PCED1A: variants seen among roughly 807,000 people sequenced by gnomAD.
The protein encoded by PCED1A is PC-esterase domain-containing protein 1A.
Under a neutral mutation model 41.9 loss-of-function variants are expected in PCED1A, and 20 were observed. That is an observed-to-expected ratio of 0.48 (90% confidence interval 0.34 to 0.69). The LOEUF (loss-of-function observed/expected upper bound fraction) is 0.69, where lower values mean the gene tolerates loss of function less well. Ranked by LOEUF, PCED1A falls within the 30% of genes least tolerant of loss-of-function variation. The pLI is 0.01. For missense variants in PCED1A, 498 were observed against 602.1 expected (o/e 0.83, Z 1.81); for synonymous variants, 236 against 241.3 (o/e 0.98, Z 0.20).
intron 3 of PCED1A, 26 bp downstream of exon 3, chr20:2,839,164 ACT>A: frequency 6.9e-7 from 1 of 1,446,084 alleles, no homozygotes; most frequent in Non-Finnish European, 9.2e-7. Flanking sequence ...CCCACCCACC[ACT>A]GACATGGCCA....
In PCED1A at chr20:2,839,039, T is replaced by C; in HGVS notation, c.248A>G (p.Gln83Arg). ...TGTCCCGTTGTGCAGCTCGCCCAGC[T>C]GGCCCCCAGCCACCAGCTGGTCCTG... is the stretch of plus-strand genomic sequence containing the variant. ...FEQDQLVAGG[Q>R]LGELHNGTQY... is the part of the protein sequence containing the mutation. The change falls in exon 4 of 8, where the codon CAG (glutamine) becomes CGG (arginine). Residue 83 changes from glutamine (Q) to arginine (R), a missense_variant. By Grantham distance (43) the Gln-to-Arg change is conservative. Coordinates refer to ENST00000360652, the MANE Select transcript of PCED1A (RefSeq NM_022760.6). 6.2e-7 allele frequency: 1 copy of C among 1,613,620 alleles called. No homozygotes were observed. Among genetic ancestry groups the C allele is most frequent in the South Asian group, 1.1e-5 (1 of 91,082 alleles).
chr20:2,837,082 C>T (rs866905114), intron 6 of PCED1A, among the ~76,000 whole-genome samples: 2 of 152,224 alleles, frequency 1.3e-5, no homozygotes, highest in Middle Eastern at 3.2e-3. Context: ...ATCAACTCTC[C>T]CTTTTCATGG....
rs2088883840 is a variant in PCED1A at position 2,838,771 on chromosome 20, C to A, written c.444-25G>T. Reference sequence around the variant, plus strand: ...TCTGTTGGATAACACACAGGGTGGGCAAGAGCACAAGGGTGGACTGCCTCA... The same window carrying A: ...TCTGTTGGATAACACACAGGGTGGGAAAGAGCACAAGGGTGGACTGCCTCA... On this transcript the variant is annotated intron_variant, in intron 4 of 7. Transcript: ENST00000360652. The surrounding 1 kb of genome is among the most constrained non-coding windows in gnomAD (Gnocchi z 5.8). The A allele has an allele frequency of 6.2e-7, 1 of 1,614,188 alleles. No individual in the cohort carries two copies. Among genetic ancestry groups the A allele is most frequent in the African/African-American group, 1.3e-5 (1 of 75,054 alleles).
At position 2,839,921 on chromosome 20, in the gene PCED1A, C is replaced by T; in HGVS notation, c.-9G>A. 6.2e-7 allele frequency: 1 copy of T among 1,609,910 alleles called. No homozygotes were observed. ...GACAGACAGAAGACCATGCCGCCAC[C>T]AGCAACGACAGGCTGCAGGGAGAGG... On this transcript the variant is annotated 5_prime_UTR_variant, in exon 2 of 8. Transcript: ENST00000360652.
chr20:2,840,690 G>A (rs1180692910), upstream of PCED1A: 1 of 1,456,146 alleles, frequency 6.9e-7, no homozygotes, highest in Non-Finnish European at 9.4e-7. Context: ...ACGTGACCCG[G>A]ACGGGCGGAA....
intron 6 of PCED1A, among the ~76,000 whole-genome samples, chr20:2,836,518 C>T (rs1411359744): frequency 6.6e-6 from 1 of 152,198 alleles, no homozygotes; most frequent in Non-Finnish European, 1.5e-5. Flanking sequence ...ACCTCTCAGA[C>T]TTACCTTTGT....
At chr20:2,839,367 C>T (rs941995147) in intron 2 of PCED1A, 96 bp from the exon 3 acceptor site, 18 of 1,116,874 alleles carry the variant, frequency 1.6e-5, no homozygotes, top group East Asian at 9.5e-5. Flanking sequence ...CTGAGGTGCC[C>T]GACACCAGCT....
rs765057261 is a variant in PCED1A at position 2,838,308 on chromosome 20, G to A, written c.765C>T (p.Arg255=). The A allele has an allele frequency of 6.2e-7, 1 of 1,614,260 alleles. No homozygotes were observed. Among genetic ancestry groups the A allele is most frequent in the African/African-American group, 1.3e-5 (1 of 75,066 alleles). The part of the protein sequence containing the change: ...DGVHWDQHAH[R]HLSHLLLTHV... ...GGGTCAGAAGCAGGTGTGAGAGGTGGCGGTGTGCATGCTGGTCCCAGTGGA... is the reference window on the plus strand; with the variant it reads ...GGGTCAGAAGCAGGTGTGAGAGGTGACGGTGTGCATGCTGGTCCCAGTGGA... The change falls in exon 6 of 8, where the codon CGC becomes CGT. Residue 255 remains arginine, a synonymous_variant. Transcript: ENST00000360652. The surrounding 1 kb of genome is among the most constrained non-coding windows in gnomAD (Gnocchi z 5.8).
At chr20:2,840,048 C>T in intron 1 of PCED1A, 115 bp from the exon 2 acceptor site, 2 of 1,138,416 alleles carry the variant, frequency 1.8e-6, no homozygotes, top group East Asian at 5.5e-5. Flanking sequence ...GGCAGCAGAG[C>T]CATGGTGGCG....
rs75415902 is a variant in PCED1A at position 2,836,176 on chromosome 20, G to C, written c.980C>G (p.Pro327Arg). 6.2e-7 allele frequency: 1 copy of C among 1,610,864 alleles called. No homozygotes were observed. ...GGGAGGTGGCGAGGGCTGAGGAAGC[G>C]GGTAGGGAAAAGGCATGGGAGGAGG... is the stretch of plus-strand genomic sequence containing the variant. ...SLPPPMPFPY[P>R]LPQPSPPPLF... Residue 327 changes from proline to arginine, a missense_variant, in exon 7 of 8, where the codon CCG (proline) becomes CGG (arginine). Pro to Arg is a moderately radical substitution (Grantham distance 103, BLOSUM62 -2). This residue lies in a region of PCED1A where 245 missense variants were observed against 232.4 expected (regional missense o/e 1.05). Transcript: ENST00000360652.
upstream of PCED1A, chr20:2,841,108 G>C: frequency 2.0e-6 from 1 of 499,756 alleles, no homozygotes; most frequent in South Asian, 2.4e-5. Flanking sequence ...GAGGCAGCTC[G>C]CGGGTGACAG....
At chr20:2,837,768 G>C (rs535679486) in intron 6 of PCED1A, among the ~76,000 whole-genome samples, 9 of 152,276 alleles carry the variant, frequency 5.9e-5, no homozygotes, top group African/African-American at 1.9e-4. Flanking sequence ...TTGAGCCCAA[G>C]TCCATAAGGC....
chr20:2,836,348 G>C (rs762649688), intron 6 of PCED1A, 34 bp from the exon 7 acceptor site: 9 of 1,583,702 alleles, frequency 5.7e-6, no homozygotes, highest in Non-Finnish European at 7.8e-6. Flanking sequence ...GGTAGGCTTG[G>C]GAGCCAGGCT....
intron 6 of PCED1A, among the ~76,000 whole-genome samples, chr20:2,837,331 G>C (rs1248356055): frequency 6.6e-6 from 1 of 152,132 alleles, no homozygotes; most frequent in South Asian, 2.1e-4. Flanking sequence ...ATCCTCTTGT[G>C]CTGCCATAAT....
rs751598073 is a variant in PCED1A, at chr20:2,835,519, G to A, written c.1308C>T (p.Ile436=). The A allele has an allele frequency of 6.2e-7, 1 of 1,614,160 alleles. No homozygotes were observed. Among genetic ancestry groups the A allele is most frequent in the South Asian group, 1.1e-5 (1 of 91,080 alleles). ...RQRLRHSERL[I]HTYKLDRRPP... is the part of the protein sequence containing the mutation. Reference sequence around the variant, plus strand: ...GCCGTCTGTCCAGTTTGTATGTGTGGATCAGTCTCTCTGAGTGTCTGAGCC... The same window carrying A: ...GCCGTCTGTCCAGTTTGTATGTGTGAATCAGTCTCTCTGAGTGTCTGAGCC... The change falls in exon 8 of 8, where the codon ATC becomes ATT. Residue 436 remains isoleucine (I), a synonymous_variant. Transcript: ENST00000360652.
At chr20:2,839,159 C>A in intron 3 of PCED1A, 33 bp downstream of exon 3, 1 of 1,612,124 alleles carries the variant, frequency 6.2e-7, no homozygotes, top group South Asian at 1.1e-5. Context: ...CTGTGCCCAC[C>A]CACCACTGAC....
chr20:2,839,691 G>A (rs2088912934), intron 2 of PCED1A, 98 bp downstream of exon 2: 1 of 1,527,312 alleles, frequency 6.5e-7, no homozygotes, highest in African/African-American at 1.4e-5. Context: ...CAGACCAGAA[G>A]ACAGACAAGA....
At chr20:2,840,067 G>T (rs919779907) in intron 1 of PCED1A, 134 bp from the exon 2 acceptor site, 2 of 920,376 alleles carry the variant, frequency 2.2e-6, no homozygotes, top group Admixed American at 6.3e-5. Flanking sequence ...CGCCAGCCTT[G>T]GTCACACTTG....
In PCED1A at chr20:2,838,885, CG is replaced by C; in HGVS notation, c.401del (p.Pro134ArgfsTer4). 17 of 1,614,124 alleles carry C rather than the reference CG, an allele frequency of 1.1e-5. No homozygotes were observed. Among genetic ancestry groups the C allele is most frequent in the Non-Finnish European group, 1.4e-5 (17 of 1,180,022 alleles). On this transcript the variant is annotated frameshift_variant, in exon 4 of 8. Transcript: ENST00000360652. LOFTEE classifies it high-confidence loss of function. The surrounding 1 kb of genome is among the most constrained non-coding windows in gnomAD (Gnocchi z 5.8). ...VLEELTYGPA[P>X]DLVIINSCLW... ...GGCAGGAGTTGATGATCACCAGGTCCGGGGCAGGTCCATATGTCAGCTCTTC... is the reference window on the plus strand; with the variant it reads ...GGCAGGAGTTGATGATCACCAGGTCCGGGCAGGTCCATATGTCAGCTCTTC...
Sources: allele counts gnomAD v4.1 joint callset (sites outside exome capture counted in the v4.1 genomes callset), GRCh38; gene constraint gnomAD v4.1.1; regional missense constraint gnomAD v4.1.1; non-coding constraint Gnocchi (gnomAD v3.1); transcripts MANE v1.5; gene names NCBI Gene and HGNC (gene_info 2026-07-23, HGNC 2026-07-21).